Variants in GLIS3 observed in about 807,000 individuals in gnomAD.
GLIS3 encodes the protein zinc finger protein GLIS3.
GLIS3 carries 53 observed loss-of-function variants against 78.6 expected under a neutral mutation model. The observed-to-expected ratio is 0.67, with a 90% CI of 0.54 to 0.85. The LOEUF (loss-of-function observed/expected upper bound fraction) is 0.85. Among genes scored for constraint, GLIS3 ranks in the 40% least tolerant of loss-of-function variants. The pLI is 0.00. For synonymous variants in GLIS3, 684 were observed against 509.9 expected (o/e 1.34, Z -4.60); for missense variants, 1,703 against 1,231.1 (o/e 1.38, Z -5.74).
intron 6 of GLIS3, 98 bp from the exon 7 acceptor site, chr9:3,898,933 CAAA>C: frequency 6.5e-7 from 1 of 1,531,044 alleles, no homozygotes; most frequent in Non-Finnish European, 9.0e-7. Context: ...ACTCAGCCCA[CAAA>C]AATTTATCAA....
intron 2 of GLIS3, among the ~76,000 whole-genome samples, chr9:4,332,233 A>G (rs761333245): frequency 8.5e-5 from 13 of 152,234 alleles, no homozygotes; most frequent in Non-Finnish European, 1.8e-4. Flanking sequence ...CACTGACCCT[A>G]ATAGTCAACA....
intron 2 of GLIS3, among the ~76,000 whole-genome samples, chr9:4,334,559 A>T (rs1460079750): frequency 6.6e-6 from 1 of 152,214 alleles, no homozygotes; most frequent in Non-Finnish European, 1.5e-5. Flanking sequence ...CAGCGTTGTC[A>T]TGGGGAAGTT....
chr9:4,172,336 G>C (rs1816442288), intron 2 of GLIS3, among the ~76,000 whole-genome samples: 1 of 152,070 alleles, frequency 6.6e-6, no homozygotes, highest in Non-Finnish European at 1.5e-5. Flanking sequence ...CACCAACACA[G>C]GTATAGGATG....
chr9:4,164,609 G>T (rs899679820), intron 2 of GLIS3, among the ~76,000 whole-genome samples: 1 of 152,162 alleles, frequency 6.6e-6, no homozygotes. Context: ...TTTATGGGAA[G>T]TGACATCTTA....
chr9:4,474,160 C>T, the GLIS3 span, among the ~76,000 whole-genome samples: 1 of 152,054 alleles, frequency 6.6e-6, no homozygotes, highest in Admixed American at 6.6e-5. Flanking sequence ...AAAAAATGTT[C>T]CAGGATTTAC....
chr9:4,424,615 G>C, the GLIS3 span, among the ~76,000 whole-genome samples: 1 of 152,182 alleles, frequency 6.6e-6, no homozygotes, highest in African/African-American at 2.4e-5. Context: ...CCAGGCTGGA[G>C]TGCAGAGGCA....
chr9:4,333,881 G>A (rs895213693), intron 2 of GLIS3, among the ~76,000 whole-genome samples: 4 of 152,126 alleles, frequency 2.6e-5, no homozygotes, highest in Non-Finnish European at 5.9e-5. Context: ...TTCAGGCAAC[G>A]CCAGGGAAAA....
chr9:4,089,039 T>C (rs555162067), intron 4 of GLIS3, among the ~76,000 whole-genome samples: 6 of 152,252 alleles, frequency 3.9e-5, no homozygotes, highest in African/African-American at 1.2e-4. Context: ...AGAAAGACTT[T>C]CCCCAGCAAC....
the GLIS3 span, among the ~76,000 whole-genome samples, chr9:4,405,432 TG>T: frequency 3.4e-3 from 511 of 151,852 alleles, 3 homozygotes; most frequent in African/African-American, 0.012. Context: ...TGATCATTAG[TG>T]GCTACTATGA....
the GLIS3 span, among the ~76,000 whole-genome samples, chr9:4,425,287 C>G: frequency 6.6e-6 from 1 of 152,200 alleles, no homozygotes; most frequent in African/African-American, 2.4e-5. Context: ...AAGTAATATA[C>G]ACAAGACTGT....
At chr9:3,892,844 A>C (rs780056789) in intron 7 of GLIS3, among the ~76,000 whole-genome samples, 15 of 152,152 alleles carry the variant, frequency 9.9e-5, no homozygotes, top group Admixed American at 2.0e-4. Flanking sequence ...TTTTATCCTG[A>C]ATTCTCTGTT....
intron 1 of GLIS3, among the ~76,000 whole-genome samples, chr9:4,289,532 T>C (rs1194781333): frequency 1.3e-5 from 2 of 152,160 alleles, no homozygotes; most frequent in Non-Finnish European, 2.9e-5. Flanking sequence ...AACTAATCAC[T>C]GTCAAAAACT....
chr9:3,881,500 T>C (rs1821724134), intron 7 of GLIS3, among the ~76,000 whole-genome samples: 1 of 152,218 alleles, frequency 6.6e-6, no homozygotes, highest in Non-Finnish European at 1.5e-5. Flanking sequence ...GAAAGTGTGC[T>C]GCTTCTCAGA....
Position 3,941,068 on chromosome 9 carries a change from G to GC in GLIS3, c.1711-3880dup, listed in dbSNP as rs530170409. Among the ~76,000 whole-genome samples, 106 of 152,252 alleles carry GC rather than the reference G, an allele frequency of 7.0e-4. 4 individuals are homozygous for GC. The East Asian group carries it at 9.8e-3, about 14-fold the overall frequency. Reference sequence around the variant, plus strand: ...GGCCCAGCCATCTGACTGCTAACAAGCCCCCCATAAGATTCTGATATTCTG... The same window carrying GC: ...GGCCCAGCCATCTGACTGCTAACAAGCCCCCCCATAAGATTCTGATATTCTG... On this transcript the variant is annotated intron_variant, in intron 4 of 10. Transcript: ENST00000381971.
At chr9:4,321,264 CA>C (rs373666845) in intron 2 of GLIS3, among the ~76,000 whole-genome samples, 2 of 106,836 alleles carry the variant, frequency 1.9e-5, no homozygotes, top group African/African-American at 4.1e-5. Flanking sequence ...ACTAAAAATA[CA>C]AAAAAAATTA....
At chr9:4,017,891 A>C (rs1298962910) in intron 4 of GLIS3, among the ~76,000 whole-genome samples, 1 of 152,180 alleles carries the variant, frequency 6.6e-6, no homozygotes, top group Non-Finnish European at 1.5e-5. Flanking sequence ...GAATATGGGC[A>C]GCAGGACTGT....
chr9:3,949,456 A>G (rs1384035324), intron 4 of GLIS3, among the ~76,000 whole-genome samples: 5 of 152,262 alleles, frequency 3.3e-5, no homozygotes, highest in African/African-American at 1.2e-4. Context: ...AAGAGTCAAC[A>G]TGACAATTCT....
At chr9:3,863,124 C>A (rs1820332330) in intron 8 of GLIS3, among the ~76,000 whole-genome samples, 1 of 152,290 alleles carries the variant, frequency 6.6e-6, no homozygotes, top group East Asian at 1.9e-4. Flanking sequence ...AATGATAATA[C>A]CCCACTTTGT....
intron 3 of GLIS3, among the ~76,000 whole-genome samples, chr9:4,309,414 G>T (rs926456134): frequency 4.6e-5 from 7 of 152,278 alleles, no homozygotes; most frequent in African/African-American, 1.7e-4. Context: ...GTTGGGGCGG[G>T]GGGAGCACAG....
Sources: gnomAD v4.1 joint callset for allele counts (sites outside exome capture counted in the v4.1 genomes callset) on GRCh38, gnomAD v4.1.1 for gene constraint, MANE v1.5 for transcripts, NCBI Gene and HGNC (gene_info 2026-07-23, HGNC 2026-07-21) for gene names.